MAGI1: variants seen among roughly 807,000 people sequenced by gnomAD.
The protein encoded by MAGI1 is membrane-associated guanylate kinase, WW and PDZ domain-containing protein 1.
MAGI1 carries 58 observed loss-of-function variants against 139.9 expected under a neutral mutation model. The ratio of observed to expected loss-of-function variants is 0.41; its 90% CI spans 0.34 to 0.52. The LOEUF (loss-of-function observed/expected upper bound fraction) is 0.52, where lower values mean the gene tolerates loss of function less well. Ranked by LOEUF, MAGI1 falls within the 20% of genes least tolerant of loss-of-function variation. The probability of loss-of-function intolerance (pLI) is 0.12; values close to 1 mark genes in which losing one functional copy is unlikely to be tolerated. For missense variants in MAGI1, 1,874 were observed against 1,901.6 expected, an observed-to-expected ratio of 0.99 and a Z score of 0.27; for synonymous variants, 812 against 737.9, an observed-to-expected ratio of 1.10 and a Z score of -1.63.
At chr3:65,374,869 T>C (rs1372510736) in intron 18 of MAGI1, among the ~76,000 whole-genome samples, 3 of 152,208 alleles carry the variant, frequency 2.0e-5, no homozygotes, top group South Asian at 2.1e-4. Flanking sequence ...CCTAGTTTAA[T>C]GCAGATACAA....
chr3:65,973,962 G>A (rs2065129344), intron 1 of MAGI1, among the ~76,000 whole-genome samples: 1 of 152,060 alleles, frequency 6.6e-6, no homozygotes, highest in African/African-American at 2.4e-5. Flanking sequence ...AATATGCTTT[G>A]CATTAATTTC....
At chr3:65,858,513 A>G (rs1575733106) in intron 1 of MAGI1, among the ~76,000 whole-genome samples, 1 of 152,232 alleles carries the variant, frequency 6.6e-6, no homozygotes, top group East Asian at 1.9e-4. Flanking sequence ...CAAGATTTTC[A>G]AAGTTCAAAT....
chr3:65,470,404 T>C lies in MAGI1; in HGVS notation c.838A>G (p.Ile280Val), dbSNP rs1950485691. The C allele has an allele frequency of 2.5e-6, 4 of 1,613,884 alleles. No homozygotes were observed. The highest frequency in any genetic ancestry group is 3.4e-6 in the Non-Finnish European group (4 of 1,179,906). ...GGGAACTTCTGAGAAGGGTCCGTGA[T>C]GGGAGCAGCGATGATGCTACTATTC... ...PVNSSIIAAP[I>V]TDPSQKFPQY... is the part of the protein sequence containing the mutation. The change falls in exon 5 of 23, where the codon ATC (isoleucine) becomes GTC (valine). Residue 280 changes from isoleucine to valine, a missense_variant. Coordinates refer to ENST00000402939, the MANE Select transcript of MAGI1 (RefSeq NM_001033057.2).
chr3:65,963,266 C>T (rs1461350795), intron 1 of MAGI1, among the ~76,000 whole-genome samples: 1 of 143,128 alleles, frequency 7.0e-6, no homozygotes, highest in South Asian at 2.3e-4. Context: ...GAGTCGAGAG[C>T]GCACCACTGC....
At chr3:65,476,901 T>C (rs1950922497) in intron 4 of MAGI1, among the ~76,000 whole-genome samples, 2 of 152,182 alleles carry the variant, frequency 1.3e-5, no homozygotes, top group South Asian at 4.1e-4. Context: ...AAAACATAGG[T>C]ACAAGGTGGC....
At chr3:65,510,389 G>A (rs1262323663) in intron 2 of MAGI1, among the ~76,000 whole-genome samples, 5 of 151,138 alleles carry the variant, frequency 3.3e-5, no homozygotes, top group Admixed American at 3.3e-4. Flanking sequence ...CAAAGGCAAA[G>A]AAGTTGAAAA....
chr3:65,553,122 TA>T (rs2107977582), intron 2 of MAGI1, among the ~76,000 whole-genome samples: 1 of 151,068 alleles, frequency 6.6e-6, no homozygotes, highest in African/African-American at 2.4e-5. Context: ...CCATTCTATT[TA>T]AAATAACAAT....
At chr3:65,585,836 T>C (rs1373538973) in intron 2 of MAGI1, among the ~76,000 whole-genome samples, 3 of 152,162 alleles carry the variant, frequency 2.0e-5, no homozygotes, top group Non-Finnish European at 2.9e-5. Context: ...CTTTAACTGG[T>C]GAATGGCTAC....
chr3:65,783,494 A>G lies in MAGI1; in HGVS notation c.314-161406T>C, dbSNP rs950224319. Among the ~76,000 whole-genome samples the G allele has an allele frequency of 1.9e-3, 295 of 152,102 alleles. 4 individuals carry two copies. Among genetic ancestry groups the G allele is most frequent in the Non-Finnish European group, 4.6e-4 (31 of 67,990 alleles). ...GAGACTCTGTCTCCAGAAAGAAAAA[A>G]AAAAAATTTGTCTTGAGACAGGGTC... On this transcript the variant is annotated intron_variant, in intron 1 of 22. Coordinates refer to ENST00000402939, the MANE Select transcript of MAGI1 (RefSeq NM_001033057.2).
intron 2 of MAGI1, among the ~76,000 whole-genome samples, chr3:65,587,684 G>A (rs2081758402): frequency 6.6e-6 from 1 of 151,724 alleles, no homozygotes; most frequent in Admixed American, 6.6e-5. Flanking sequence ...GTTTCACCAT[G>A]TTGCCCAGGC....
intron 5 of MAGI1, 165 bp downstream of exon 5, chr3:65,470,118 A>T (rs561026007): frequency 1.8e-6 from 1 of 570,100 alleles, no homozygotes; most frequent in South Asian, 2.3e-5. Flanking sequence ...TAAGTTGGTA[A>T]TAATTAATTA....
intron 1 of MAGI1, among the ~76,000 whole-genome samples, chr3:65,784,690 G>A (rs1306990699): frequency 6.6e-6 from 1 of 151,726 alleles, no homozygotes; most frequent in Non-Finnish European, 1.5e-5. Context: ...GGGCGACAGA[G>A]CGAGACTCCG....
intron 2 of MAGI1, among the ~76,000 whole-genome samples, chr3:65,541,456 G>T (rs1257875860): frequency 6.6e-6 from 1 of 152,152 alleles, no homozygotes; most frequent in African/African-American, 2.4e-5. Flanking sequence ...AAACCTGGCA[G>T]AGACAAAACA....
chr3:65,474,607 T>C (rs866612944), intron 4 of MAGI1, among the ~76,000 whole-genome samples: 2 of 113,050 alleles, frequency 1.8e-5, no homozygotes, highest in African/African-American at 5.9e-5. Context: ...GCTTCCAAGC[T>C]TTTATACACA....
intron 1 of MAGI1, among the ~76,000 whole-genome samples, chr3:65,946,401 T>C (rs1434018288): frequency 6.6e-6 from 1 of 152,230 alleles, no homozygotes; most frequent in African/African-American, 2.4e-5. Context: ...ATTTATTTCC[T>C]GGTTTGGAAT....
chr3:65,654,753 G>T (rs566942800), intron 1 of MAGI1, among the ~76,000 whole-genome samples: 1 of 152,086 alleles, frequency 6.6e-6, no homozygotes, highest in Admixed American at 6.6e-5. Context: ...TATGGGTCTT[G>T]GTCAGGGCAT....
chr3:65,937,141 C>T (rs1345741771), intron 1 of MAGI1, among the ~76,000 whole-genome samples: 2 of 152,204 alleles, frequency 1.3e-5, no homozygotes, highest in East Asian at 3.8e-4. Context: ...GGGAAATAAA[C>T]TAGCAATAGA....
intron 6 of MAGI1, among the ~76,000 whole-genome samples, chr3:65,449,817 C>A (rs1234971637): frequency 2.0e-5 from 3 of 152,034 alleles, no homozygotes; most frequent in Non-Finnish European, 4.4e-5. Flanking sequence ...GAACAGGAGA[C>A]AAATCCAAGG....
At chr3:65,494,257 G>A (rs1207386423) in intron 2 of MAGI1, among the ~76,000 whole-genome samples, 1 of 152,180 alleles carries the variant, frequency 6.6e-6, no homozygotes, top group Non-Finnish European at 1.5e-5. Flanking sequence ...AGGGAGAAAG[G>A]ACGCTGCATT....
Sources: gnomAD v4.1 joint callset for allele counts (sites outside exome capture counted in the v4.1 genomes callset) on GRCh38, gnomAD v4.1.1 for gene constraint, MANE v1.5 for transcripts, NCBI Gene and HGNC (gene_info 2026-07-23, HGNC 2026-07-21) for gene names.